SCN8A: variants seen among roughly 807,000 people sequenced by gnomAD.
SCN8A encodes sodium voltage-gated channel alpha subunit 8.
A neutral mutation model predicts 184.1 loss-of-function variants in SCN8A; 30 were observed. The ratio of observed to expected loss-of-function variants is 0.16; its 90% CI spans 0.12 to 0.22. The LOEUF is 0.22. Ranked by LOEUF, SCN8A falls within the 10% of genes least tolerant of loss-of-function variation. The pLI, the probability that SCN8A is intolerant of heterozygous loss-of-function variation, is 1.00. For synonymous variants in SCN8A, 852 were observed against 907.0 expected, an observed-to-expected ratio of 0.94 and a Z score of 1.09; for missense variants, 1,057 against 2,498.9, an observed-to-expected ratio of 0.42 and a Z score of 12.30.
chr12:51,632,680 T>C (rs1323477014), intron 1 of SCN8A, among the ~76,000 whole-genome samples: 1 of 152,220 alleles, frequency 6.6e-6, no homozygotes, highest in Non-Finnish European at 1.5e-5. Flanking sequence ...ATAAGAAGCA[T>C]ACAGCAAACT....
chr12:51,630,312 A>G (rs975765009), intron 1 of SCN8A, among the ~76,000 whole-genome samples: 1 of 151,974 alleles, frequency 6.6e-6, no homozygotes, highest in Non-Finnish European at 1.5e-5. Flanking sequence ...TCTACTTGCT[A>G]TCTCTATGGA....
intron 9 of SCN8A, 122 bp from the exon 10 acceptor site, chr12:51,705,295 A>C: frequency 1.2e-6 from 1 of 809,742 alleles, no homozygotes; most frequent in South Asian, 1.8e-5. Flanking sequence ...GGAGTACTGC[A>C]CAAGGAAACA....
intron 13 of SCN8A, among the ~76,000 whole-genome samples, chr12:51,749,313 C>T (rs957679506): frequency 3.3e-5 from 5 of 152,120 alleles, no homozygotes; most frequent in African/African-American, 1.2e-4. Context: ...AGGAAAACCC[C>T]TTTTTGCTGT....
At chr12:51,783,354 G>C (rs1413750495) in intron 21 of SCN8A, among the ~76,000 whole-genome samples, 2 of 151,840 alleles carry the variant, frequency 1.3e-5, no homozygotes, top group Non-Finnish European at 2.9e-5. Flanking sequence ...GCCAACACTT[G>C]AGAGATTACC....
chr12:51,773,444 C>A (rs1036930656), intron 19 of SCN8A, among the ~76,000 whole-genome samples: 1 of 152,158 alleles, frequency 6.6e-6, no homozygotes, highest in Non-Finnish European at 1.5e-5. Context: ...CCTGTATGAC[C>A]CTCCACCCAT....
At chr12:51,720,501 T>G (rs1226770572) in intron 11 of SCN8A, among the ~76,000 whole-genome samples, 1 of 150,754 alleles carries the variant, frequency 6.6e-6, no homozygotes, top group African/African-American at 2.4e-5. Context: ...AAATAACTAA[T>G]GTAAATGATG....
chr12:51,653,253 G>A (rs1427845116), intron 1 of SCN8A, among the ~76,000 whole-genome samples: 1 of 152,160 alleles, frequency 6.6e-6, no homozygotes, highest in Non-Finnish European at 1.5e-5. Flanking sequence ...CTGGGAGGCG[G>A]AGGTTGCAGT....
At chr12:51,712,562 A>G (rs1308048802) in intron 11 of SCN8A, 5 of 777,240 alleles carry the variant, frequency 6.4e-6, no homozygotes, top group South Asian at 2.7e-5. Flanking sequence ...TCCCCCTTTC[A>G]TGGGTCCATA....
intron 14 of SCN8A, among the ~76,000 whole-genome samples, chr12:51,754,493 A>T (rs569515072): frequency 6.6e-6 from 1 of 152,038 alleles, no homozygotes; most frequent in East Asian, 1.9e-4. Flanking sequence ...GTAAAGTATG[A>T]CCTTGTCCTG....
chr12:51,782,044 T>C (rs1245480022), intron 21 of SCN8A, among the ~76,000 whole-genome samples: 1 of 152,250 alleles, frequency 6.6e-6, no homozygotes, highest in Non-Finnish European at 1.5e-5. Flanking sequence ...TTTATTATGT[T>C]AATTTATCCA....
At chr12:51,713,124 C>A in intron 11 of SCN8A, 1 of 1,226,442 alleles carries the variant, frequency 8.2e-7, no homozygotes, top group Non-Finnish European at 1.2e-6. Context: ...TTCCACTCTG[C>A]CTCTCTTGCA....
intron 2 of SCN8A, among the ~76,000 whole-genome samples, chr12:51,669,562 G>A (rs1388671813): frequency 6.6e-6 from 1 of 152,098 alleles, no homozygotes; most frequent in Non-Finnish European, 1.5e-5. Flanking sequence ...TACCCACACA[G>A]GCCCAGCCCA....
intron 6 of SCN8A, among the ~76,000 whole-genome samples, chr12:51,697,575 G>T (rs2138731775): frequency 6.6e-6 from 1 of 152,308 alleles, no homozygotes; most frequent in South Asian, 2.1e-4. Flanking sequence ...GGTTAGCCCT[G>T]AGCAGTGCCA....
At chr12:51,667,176 G>A (rs867257586) in intron 2 of SCN8A, among the ~76,000 whole-genome samples, 1 of 152,194 alleles carries the variant, frequency 6.6e-6, no homozygotes, top group Middle Eastern at 3.4e-3. Context: ...TCTCTCATCT[G>A]TCTATTTCCT....
intron 2 of SCN8A, among the ~76,000 whole-genome samples, chr12:51,676,829 A>G (rs1017454235): frequency 6.6e-6 from 1 of 152,174 alleles, no homozygotes; most frequent in Admixed American, 6.5e-5. Flanking sequence ...GAAGCTCATC[A>G]GATGCCTGCA....
At chr12:51,611,567 G>A (rs1026555068) in intron 1 of SCN8A, among the ~76,000 whole-genome samples, 3 of 151,126 alleles carry the variant, frequency 2.0e-5, no homozygotes, top group Non-Finnish European at 4.4e-5. Context: ...GTGTGATCTC[G>A]GCTCACTGCA....
In SCN8A at chr12:51,788,692, C is replaced by T. The variant is rs1261596777; in HGVS notation, c.4228-3C>T. 1 of 1,604,206 alleles carries T rather than the reference C, an allele frequency of 6.2e-7. No homozygotes were observed. The highest frequency in any genetic ancestry group is 8.5e-7 in the Non-Finnish European group (1 of 1,174,250). On this transcript the variant is annotated splice_region_variant and splice_polypyrimidine_tract_variant and intron_variant, in intron 22 of 26. Coordinates refer to ENST00000627620, the MANE Select transcript of SCN8A (RefSeq NM_001330260.2). ...CCGTCTAATGACTGACTCTGTTTGC[C>T]AGGCAACCTTCAAAGGCTGGATGGA...
chr12:51,806,867 A>T lies in SCN8A; in HGVS notation c.5381A>T (p.Lys1794Met). ...DFETFYEIWE[K>M]FDPDATQFIE... is the part of the protein sequence containing the mutation. Reference sequence around the variant, plus strand: ...GAGACCTTCTATGAGATCTGGGAGAAGTTCGACCCCGATGCCACCCAGTTC... The same window carrying T: ...GAGACCTTCTATGAGATCTGGGAGATGTTCGACCCCGATGCCACCCAGTTC... The change falls in exon 27 of 27, where the codon AAG (lysine) becomes ATG (methionine). Residue 1794 changes from lysine (K) to methionine (M), a missense_variant. This residue lies in a region of SCN8A where 50 missense variants were observed against 125.8 expected (regional missense o/e 0.40). Coordinates refer to ENST00000627620, the MANE Select transcript of SCN8A (RefSeq NM_001330260.2). This position sits in a 1 kb window ranked among gnomAD's most constrained non-coding sequence, Gnocchi z 8.7. 1.2e-6 allele frequency: 2 copies of T among 1,613,826 alleles called. 1 individual carries two copies. Among genetic ancestry groups the T allele is most frequent in the South Asian group, 2.2e-5 (2 of 91,082 alleles).
intron 14 of SCN8A, among the ~76,000 whole-genome samples, chr12:51,761,154 AT>A (rs777991062): frequency 1.6e-4 from 24 of 152,248 alleles, no homozygotes; most frequent in Non-Finnish European, 3.1e-4. Context: ...GAATGAAGGT[AT>A]TGGTTTTGTC....
Sources: allele counts gnomAD v4.1 joint callset (sites outside exome capture counted in the v4.1 genomes callset), GRCh38; gene constraint gnomAD v4.1.1; regional missense constraint gnomAD v4.1.1; non-coding constraint Gnocchi (gnomAD v3.1); transcripts MANE v1.5; gene names NCBI Gene and HGNC (gene_info 2026-07-23, HGNC 2026-07-21).